Variants in P4HA1 observed in about 807,000 individuals in gnomAD.
P4HA1 encodes the protein prolyl 4-hydroxylase subunit alpha 1.
P4HA1 carries 24 observed loss-of-function variants against 72.8 expected under a neutral mutation model. The observed-to-expected ratio is 0.33, with a 90% CI of 0.24 to 0.46. P4HA1 has a LOEUF of 0.46. P4HA1 is among the 20% of genes least tolerant of loss of function. P4HA1 has a pLI of 1.00. For synonymous variants in P4HA1, 201 were observed against 218.8 expected (o/e 0.92, Z 0.72); for missense variants, 446 against 640.6 (o/e 0.70, Z 3.28).
chr10:73,011,133 ACATATGGACTTGTTCTTATATAG>A (rs1170775769), intron 12 of P4HA1, 96 bp from the exon 13 acceptor site: 34 of 918,542 alleles, frequency 3.7e-5, no homozygotes, highest in Non-Finnish European at 5.2e-5. Flanking sequence ...AATATTGGGA[ACATATGGACTTGTTCTTATATAG>A]CATGGTTGGT....
At chr10:73,023,313 C>T (rs1840180515) in intron 10 of P4HA1, among the ~76,000 whole-genome samples, 1 of 152,130 alleles carries the variant, frequency 6.6e-6, no homozygotes. Flanking sequence ...AGAAACCCTA[C>T]AAGCAAGAAG....
intron 13 of P4HA1, 138 bp from the exon 14 acceptor site, chr10:73,010,041 T>C (rs1839881354): frequency 1.8e-6 from 1 of 552,468 alleles, no homozygotes; most frequent in Admixed American, 2.8e-5. Context: ...CGATCTCAGC[T>C]CACTGCAACC....
At chr10:73,086,092 A>G (rs144917772) in intron 1 of P4HA1, among the ~76,000 whole-genome samples, 2 of 152,356 alleles carry the variant, frequency 1.3e-5, no homozygotes, top group African/African-American at 4.8e-5. Context: ...AAAAACGTAA[A>G]ATGAGGCAGT....
chr10:73,071,359 TAAGTACC>T (rs1297897209), intron 4 of P4HA1: 1 of 152,118 alleles, frequency 6.6e-6, no homozygotes, highest in Admixed American at 6.5e-5. Flanking sequence ...CAAACACTGG[TAAGTACC>T]CTTGGAGTAT....
intron 5 of P4HA1, among the ~76,000 whole-genome samples, chr10:73,054,559 G>T (rs1428801741): frequency 1.3e-5 from 2 of 152,176 alleles, no homozygotes; most frequent in African/African-American, 2.4e-5. Flanking sequence ...ATGCTACTGT[G>T]AACATTTGTG....
At position 73,090,385 on chromosome 10, in the gene P4HA1, C is replaced by T. The variant is rs190941036; in HGVS notation, c.-33+6381G>A. 2.3e-3 allele frequency among the ~76,000 whole-genome samples: 355 copies of T among 152,308 alleles called. 1 individual carries two copies. The highest frequency in any genetic ancestry group is 5.8e-3 in the South Asian group (28 of 4,834). On this transcript the variant is annotated intron_variant, in intron 1 of 14. Coordinates refer to ENST00000394890, the MANE Select transcript of P4HA1 (RefSeq NM_001017962.3). ...CTGGGCTCAAGCAGTCCTCCTGCCT[C>T]GGCCACCCAAAGGGTTGGGATTACA... is the stretch of plus-strand genomic sequence containing the variant.
intron 4 of P4HA1, among the ~76,000 whole-genome samples, chr10:73,070,576 C>T (rs535288429): frequency 2.6e-3 from 388 of 151,656 alleles, no homozygotes; most frequent in African/African-American, 9.0e-3. Flanking sequence ...GGCTTTTTAC[C>T]AGTATAATTC....
intron 9 of P4HA1, among the ~76,000 whole-genome samples, chr10:73,038,203 C>T (rs572146227): frequency 4.6e-4 from 70 of 152,216 alleles, no homozygotes; most frequent in Non-Finnish European, 6.8e-4. Flanking sequence ...TGTAGTGAGC[C>T]ATGACTGTGC....
intron 1 of P4HA1, among the ~76,000 whole-genome samples, chr10:73,085,130 G>C (rs1371485258): frequency 6.6e-6 from 1 of 150,516 alleles, no homozygotes; most frequent in Non-Finnish European, 1.5e-5. Flanking sequence ...GACAGAGTGA[G>C]TCCATCTCAT....
At chr10:73,069,809 T>G (rs1002219974) in intron 4 of P4HA1, among the ~76,000 whole-genome samples, 4 of 151,418 alleles carry the variant, frequency 2.6e-5, no homozygotes, top group African/African-American at 9.8e-5. Flanking sequence ...ATCAACTGTT[T>G]TGTTTTTTTT....
At chr10:73,012,783 T>A (rs1026268983) in intron 12 of P4HA1, among the ~76,000 whole-genome samples, 4 of 151,996 alleles carry the variant, frequency 2.6e-5, no homozygotes, top group Admixed American at 6.6e-5. Flanking sequence ...ACATATAAAA[T>A]ATATATATTT....
At chr10:73,062,252 T>G (rs929809271) in intron 5 of P4HA1, among the ~76,000 whole-genome samples, 2 of 152,114 alleles carry the variant, frequency 1.3e-5, no homozygotes, top group Non-Finnish European at 2.9e-5. Flanking sequence ...ATGTGTGACA[T>G]TTGATATTTT....
chr10:73,055,588 A>G (rs1341806592), intron 5 of P4HA1, among the ~76,000 whole-genome samples: 1 of 152,162 alleles, frequency 6.6e-6, no homozygotes, highest in Admixed American at 6.5e-5. Flanking sequence ...TGAAACTGTG[A>G]TGAAGTCCAA....
intron 5 of P4HA1, among the ~76,000 whole-genome samples, chr10:73,059,416 AATATAT>A (rs1193356496): frequency 4.8e-4 from 65 of 134,382 alleles, no homozygotes; most frequent in African/African-American, 1.8e-3. Context: ...ATAATGAGAC[AATATAT>A]TTAAAAAAAA....
intron 9 of P4HA1, among the ~76,000 whole-genome samples, chr10:73,034,166 A>G (rs1840508129): frequency 6.6e-6 from 1 of 152,180 alleles, no homozygotes; most frequent in African/African-American, 2.4e-5. Flanking sequence ...GGGAGCTACA[A>G]TCACACCACT....
At chr10:73,009,208 G>T (rs1839858295) in intron 14 of P4HA1, among the ~76,000 whole-genome samples, 1 of 152,156 alleles carries the variant, frequency 6.6e-6, no homozygotes, top group Admixed American at 6.5e-5. Context: ...TAGTAACACA[G>T]ATTGAAATGG....
intron 4 of P4HA1, among the ~76,000 whole-genome samples, chr10:73,070,140 GC>G: frequency 8.3e-6 from 1 of 119,788 alleles, no homozygotes; most frequent in Non-Finnish European, 1.7e-5. Flanking sequence ...AAGAGACCAG[GC>G]CTTTTTTTTT....
chr10:73,027,243 G>A (rs1437631091), intron 10 of P4HA1, among the ~76,000 whole-genome samples: 3 of 152,064 alleles, frequency 2.0e-5, no homozygotes, highest in Non-Finnish European at 4.4e-5. Context: ...TGTGGCACAT[G>A]TACACCATGG....
intron 10 of P4HA1, among the ~76,000 whole-genome samples, chr10:73,025,435 C>A (rs529327630): frequency 6.6e-6 from 1 of 152,218 alleles, no homozygotes; most frequent in African/African-American, 2.4e-5. Flanking sequence ...GCTGAAAATG[C>A]GGTAAACTAG....
Sources: allele counts gnomAD v4.1 joint callset (sites outside exome capture counted in the v4.1 genomes callset), GRCh38; gene constraint gnomAD v4.1.1; transcripts MANE v1.5; gene names NCBI Gene and HGNC (gene_info 2026-07-23, HGNC 2026-07-21).